Variants in MYO16 observed in about 807,000 individuals in gnomAD.
The protein encoded by MYO16 is myosin XVI, also known as unconventional myosin-XVI.
A neutral mutation model predicts 205.3 loss-of-function variants in MYO16; 94 were observed. The observed-to-expected ratio is 0.46, with a 90% CI of 0.39 to 0.54. The LOEUF (loss-of-function observed/expected upper bound fraction) is 0.54. Among genes scored for constraint, MYO16 ranks in the 20% least tolerant of loss-of-function variants. The probability of loss-of-function intolerance (pLI) is 0.00; values close to 1 mark genes in which losing one functional copy is unlikely to be tolerated. For missense variants in MYO16, 2,315 were observed against 2,387.5 expected (o/e 0.97, Z 0.63); for synonymous variants, 988 against 954.0 (o/e 1.04, Z -0.66).
chr13:109,150,303 A>G (rs992915899), intron 32 of MYO16, among the ~76,000 whole-genome samples: 3 of 152,210 alleles, frequency 2.0e-5, no homozygotes, highest in African/African-American at 7.2e-5. Flanking sequence ...ACATGACTAA[A>G]TAAAGCCAGG....
intron 1 of MYO16, among the ~76,000 whole-genome samples, chr13:108,622,110 G>A (rs1200117667): frequency 6.6e-6 from 1 of 152,098 alleles, no homozygotes; most frequent in Admixed American, 6.6e-5. Context: ...GGTAAACATG[G>A]CATAATTACT....
At chr13:108,665,217 G>A (rs775845312) in intron 1 of MYO16, among the ~76,000 whole-genome samples, 5 of 151,998 alleles carry the variant, frequency 3.3e-5, no homozygotes, top group East Asian at 3.9e-4. Flanking sequence ...CCAAGCAGTC[G>A]GGACTATAGC....
chr13:108,925,304 G>A (rs1276657039), intron 16 of MYO16, among the ~76,000 whole-genome samples: 2 of 152,166 alleles, frequency 1.3e-5, no homozygotes, highest in Non-Finnish European at 2.9e-5. Context: ...TCACAGAGAT[G>A]AACTAGAGTT....
Position 108,785,730 on chromosome 13 carries a change from T to A in MYO16, c.603T>A (p.Tyr201Ter). Residue 201 changes from tyrosine (Y) to a stop codon, truncating the protein, a stop_gained, in exon 5 of 35, where the codon TAT becomes TAA. Coordinates refer to ENST00000457511, the MANE Select transcript of MYO16 (RefSeq NM_001198950.3). LOFTEE classifies it high-confidence loss of function. ...GTESSSILLTYLDENGVDLTS... is the reference protein window; with the variant it reads ...GTESSSILLT Reference sequence around the variant, plus strand: ...AATCCAGCTCTATCCTGTTGACCTATCTGGATGAAAATGGTAGGCAAAAAC... The same window carrying A: ...AATCCAGCTCTATCCTGTTGACCTAACTGGATGAAAATGGTAGGCAAAAAC... 2 of 1,603,316 alleles carry A rather than the reference T, an allele frequency of 1.2e-6. No individual in the cohort carries two copies. The highest frequency in any genetic ancestry group is 1.7e-6 in the Non-Finnish European group (2 of 1,174,098).
At chr13:108,884,194 G>C (rs1028962735) in intron 13 of MYO16, among the ~76,000 whole-genome samples, 2 of 152,134 alleles carry the variant, frequency 1.3e-5, no homozygotes, top group African/African-American at 4.8e-5. Context: ...TTAGAACCTG[G>C]ATAGAATTCA....
intron 6 of MYO16, among the ~76,000 whole-genome samples, chr13:108,795,446 G>A (rs1201057955): frequency 6.6e-6 from 1 of 152,130 alleles, no homozygotes; most frequent in African/African-American, 2.4e-5. Context: ...CTGACCTCGT[G>A]ATCCGCCCGC....
chr13:109,185,445 T>C (rs1213085766), intron 34 of MYO16, among the ~76,000 whole-genome samples: 1 of 152,146 alleles, frequency 6.6e-6, no homozygotes, highest in African/African-American at 2.4e-5. Context: ...ATTATGGTAT[T>C]CCTTTCTTTG....
chr13:108,622,503 C>T lies in MYO16; in HGVS notation c.-39+26264C>T, dbSNP rs373998373. ...AGGGAAAGGATGTCCCAGTCTTCTACGGTTTCATTAGCCTCATGCACTGTG... is the reference window on the plus strand; with the variant it reads ...AGGGAAAGGATGTCCCAGTCTTCTATGGTTTCATTAGCCTCATGCACTGTG... On this transcript the variant is annotated intron_variant, in intron 1 of 24. Transcript: ENST00000251041. 5.3e-5 allele frequency among the ~76,000 whole-genome samples: 8 copies of T among 152,264 alleles called. No homozygotes were observed. The East Asian group carries it at 5.8e-4, about 11-fold the overall frequency.
In MYO16 at chr13:108,712,710, G is replaced by C. The variant is rs199831826; in HGVS notation, c.342G>C (p.Ser114=). 1 of 1,613,864 alleles carries C rather than the reference G, an allele frequency of 6.2e-7. No homozygotes were observed. Among genetic ancestry groups the C allele is most frequent in the Non-Finnish European group, 8.5e-7 (1 of 1,179,872 alleles). The part of the protein sequence containing the change: ...EGADPHTLVS[S]GGSLLHLCAR... ...CAGACCCCCACACCCTCGTCTCCTCGGGAGGGTCCCTGCTCCATCTGGTAA... is the reference window on the plus strand; with the variant it reads ...CAGACCCCCACACCCTCGTCTCCTCCGGAGGGTCCCTGCTCCATCTGGTAA... Residue 114 remains serine (S), a synonymous_variant, in exon 3 of 35, where the codon TCG becomes TCC. Transcript: ENST00000457511.
chr13:108,881,403 G>T (rs1317028566), intron 12 of MYO16, among the ~76,000 whole-genome samples: 1 of 152,192 alleles, frequency 6.6e-6, no homozygotes, highest in Non-Finnish European at 1.5e-5. Context: ...AAGGAACGCA[G>T]CTCCTCGCCA....
At chr13:108,807,160 C>T (rs759054661) in intron 7 of MYO16, among the ~76,000 whole-genome samples, 7 of 151,994 alleles carry the variant, frequency 4.6e-5, no homozygotes, top group South Asian at 4.1e-4. Context: ...TTTTATTCAT[C>T]GCAATAGTAG....
the MYO16 span, among the ~76,000 whole-genome samples, chr13:108,516,802 T>C: frequency 6.6e-6 from 1 of 152,240 alleles, no homozygotes; most frequent in East Asian, 1.9e-4. Context: ...TGCTGTATAG[T>C]CTGCAGGTTA....
chr13:108,793,101 G>A (rs1010610717), intron 5 of MYO16, among the ~76,000 whole-genome samples: 25 of 151,998 alleles, frequency 1.6e-4, no homozygotes, highest in African/African-American at 5.6e-4. Context: ...GGCTAACACC[G>A]TGAAACCCCA....
chr13:109,019,808 C>T lies in MYO16; in HGVS notation c.2693C>T (p.Ser898Phe). The change falls in exon 23 of 35, where the codon TCC (serine) becomes TTC (phenylalanine). Residue 898 changes from serine to phenylalanine, a missense_variant. Physicochemically the swap from Ser to Phe is radical, Grantham distance 155 (BLOSUM62 -2). This residue lies in a region of MYO16 where 1,213 missense variants were observed against 1,274.4 expected (regional missense o/e 0.95). Coordinates refer to ENST00000457511, the MANE Select transcript of MYO16 (RefSeq NM_001198950.3). The stretch of plus-strand genomic sequence containing the variant: ...AAAAAACTACAAAGTCTCCTAGAAT[C>T]CTCAAACACAAATGCGGTGTACTCC... ...FPKKLQSLLESSNTNAVYSPM... is the reference protein window; with the variant it reads ...FPKKLQSLLEFSNTNAVYSPM... The T allele has an allele frequency of 6.2e-7, 1 of 1,614,062 alleles. No individual in the cohort carries two copies. The highest frequency in any genetic ancestry group is 1.1e-5 in the South Asian group (1 of 91,080).
intron 2 of MYO16, among the ~76,000 whole-genome samples, chr13:108,672,747 T>A (rs112406192): frequency 0.014 from 2,141 of 152,162 alleles, 21 homozygotes; most frequent in Non-Finnish European, 0.022. Flanking sequence ...TTACGCCACA[T>A]GAAAGAAAAG....
chr13:108,800,777 G>A (rs1886946429), intron 6 of MYO16, among the ~76,000 whole-genome samples: 1 of 152,058 alleles, frequency 6.6e-6, no homozygotes, highest in Admixed American at 6.6e-5. Context: ...CTTCAGAGTG[G>A]CAGGGGTCAC....
At chr13:108,828,235 A>G (rs1876395399) in intron 9 of MYO16, among the ~76,000 whole-genome samples, 1 of 152,132 alleles carries the variant, frequency 6.6e-6, no homozygotes, top group South Asian at 2.1e-4. Context: ...CGAGGAGGTC[A>G]TTTTTATTTG....
chr13:108,976,762 A>G (rs1316138730), intron 20 of MYO16, among the ~76,000 whole-genome samples: 1 of 152,158 alleles, frequency 6.6e-6, no homozygotes, highest in Admixed American at 6.5e-5. Context: ...TTCTTTGTCC[A>G]TTTCATGCAT....
the MYO16 span, among the ~76,000 whole-genome samples, chr13:108,521,253 G>A: frequency 6.6e-6 from 1 of 152,358 alleles, no homozygotes; most frequent in African/African-American, 2.4e-5. Flanking sequence ...GCAGATTAGT[G>A]AGACTAGAAT....
Sources: gnomAD v4.1 joint callset for allele counts (sites outside exome capture counted in the v4.1 genomes callset) on GRCh38, gnomAD v4.1.1 for gene constraint, gnomAD v4.1.1 regional missense constraint, MANE v1.5 for transcripts, NCBI Gene and HGNC (gene_info 2026-07-23, HGNC 2026-07-21) for gene names.